Variants in CNTN3 observed in about 807,000 individuals in gnomAD.
CNTN3 encodes contactin 3, also known as contactin-3.
In CNTN3, 60 loss-of-function variants were observed where a neutral mutation model predicts 119.1. The ratio of observed to expected loss-of-function variants is 0.50; its 90% CI spans 0.41 to 0.62. The LOEUF (loss-of-function observed/expected upper bound fraction) is 0.62, where lower values mean the gene tolerates loss of function less well. CNTN3 is among the 20% of genes least tolerant of loss of function. CNTN3 has a pLI of 0.00. For synonymous variants in CNTN3, 450 were observed against 438.7 expected (o/e 1.03, Z -0.32); for missense variants, 1,101 against 1,242.4 (o/e 0.89, Z 1.71).
intron 5 of CNTN3, among the ~76,000 whole-genome samples, chr3:74,379,511 G>A (rs975762674): frequency 5.9e-5 from 9 of 152,142 alleles, no homozygotes; most frequent in East Asian, 3.9e-4. Flanking sequence ...TGTCCTTCAC[G>A]TACCCAACTG....
intron 13 of CNTN3, among the ~76,000 whole-genome samples, chr3:74,323,930 A>T (rs995220979): frequency 1.3e-5 from 2 of 152,134 alleles, no homozygotes; most frequent in African/African-American, 4.8e-5. Context: ...CTGTTAAGAT[A>T]TTTAAAATTT....
At chr3:74,387,375 T>C (rs1328316919) in intron 5 of CNTN3, among the ~76,000 whole-genome samples, 1 of 152,208 alleles carries the variant, frequency 6.6e-6, no homozygotes, top group Non-Finnish European at 1.5e-5. Context: ...TTCAACAGAA[T>C]ATAAGCCAAT....
At chr3:74,514,783 G>A (rs6809509) in intron 2 of CNTN3, among the ~76,000 whole-genome samples, 150,831 of 152,200 alleles carry the variant, frequency 0.99, 74,751 homozygotes, top group Middle Eastern at 1. Flanking sequence ...CATTGTCTCA[G>A]ACTTAGTATT....
intron 13 of CNTN3, among the ~76,000 whole-genome samples, chr3:74,316,461 T>C (rs532167896): frequency 6.6e-6 from 1 of 152,224 alleles, no homozygotes; most frequent in East Asian, 1.9e-4. Context: ...TGAACTCCAT[T>C]TAACCCAGCA....
intron 8 of CNTN3, among the ~76,000 whole-genome samples, chr3:74,368,190 G>C (rs181078971): frequency 2.0e-5 from 3 of 152,036 alleles, no homozygotes; most frequent in Non-Finnish European, 4.4e-5. Flanking sequence ...AGTGTTAATC[G>C]TGCCAGAAGT....
chr3:74,344,261 A>T (rs1703620932), intron 11 of CNTN3, among the ~76,000 whole-genome samples: 1 of 152,148 alleles, frequency 6.6e-6, no homozygotes, highest in African/African-American at 2.4e-5. Flanking sequence ...TCAACAGTGG[A>T]CCAACTAACA....
chr3:74,264,416 T>C lies in CNTN3; in HGVS notation c.3072A>G (p.Val1024=), dbSNP rs757673197. ...SYMPIVLFLI[V]YVLW ...GGAGTTAATATCACCACAGGACATATACAATTAAGAACAGTACTATAGGCA... is the reference window on the plus strand; with the variant it reads ...GGAGTTAATATCACCACAGGACATACACAATTAAGAACAGTACTATAGGCA... Residue 1024 remains valine, a synonymous_variant, in exon 23 of 23, where the codon GTA becomes GTG. Transcript: ENST00000263665. The C allele has an allele frequency of 4.4e-6, 7 of 1,589,296 alleles. No individual in the cohort carries two copies. The highest frequency in any genetic ancestry group is 1.7e-4 in the Middle Eastern group (1 of 6,010).
chr3:74,428,125 C>T (rs570429095), intron 4 of CNTN3, among the ~76,000 whole-genome samples: 1 of 152,184 alleles, frequency 6.6e-6, no homozygotes, highest in African/African-American at 2.4e-5. Flanking sequence ...ACCTACTATG[C>T]TGCCAGTCAT....
At chr3:74,453,373 C>A (rs1183119867) in intron 4 of CNTN3, among the ~76,000 whole-genome samples, 1 of 151,952 alleles carries the variant, frequency 6.6e-6, no homozygotes, top group Non-Finnish European at 1.5e-5. Flanking sequence ...TCCCCTTTAT[C>A]ATTTTTTATT....
At chr3:74,432,406 C>CA (rs899229276) in intron 4 of CNTN3, among the ~76,000 whole-genome samples, 88 of 149,088 alleles carry the variant, frequency 5.9e-4, no homozygotes, top group African/African-American at 2.0e-3. Context: ...AAAAAAATCA[C>CA]AAAAAAATCT....
intron 19 of CNTN3, among the ~76,000 whole-genome samples, chr3:74,285,790 G>GAGAT (rs1702099696): frequency 5.3e-5 from 3 of 56,544 alleles, no homozygotes; most frequent in East Asian, 1.1e-3. Context: ...ATGAAGGGGA[G>GAGAT]ATATATATAT....
intron 19 of CNTN3, among the ~76,000 whole-genome samples, chr3:74,290,375 T>A (rs952177238): frequency 6.6e-6 from 1 of 152,198 alleles, no homozygotes; most frequent in Non-Finnish European, 1.5e-5. Flanking sequence ...GGTATTGTAA[T>A]CTTAGGGGAC....
At chr3:74,392,306 G>A (rs1979588) in intron 5 of CNTN3, among the ~76,000 whole-genome samples, 150,910 of 152,298 alleles carry the variant, frequency 0.99, 74,787 homozygotes, top group East Asian at 1. Context: ...TATTTGGTCT[G>A]CTTACATATC....
chr3:74,277,602 T>C (rs1470965104), intron 20 of CNTN3, among the ~76,000 whole-genome samples: 1 of 152,126 alleles, frequency 6.6e-6, no homozygotes, highest in East Asian at 1.9e-4. Context: ...AAAATCAGCA[T>C]ACAAGGGACA....
chr3:74,432,888 T>G (rs1701807805), intron 4 of CNTN3, among the ~76,000 whole-genome samples: 1 of 152,190 alleles, frequency 6.6e-6, no homozygotes, highest in Non-Finnish European at 1.5e-5. Context: ...CATGGCAAAG[T>G]GTGTCTTAGG....
intron 3 of CNTN3, among the ~76,000 whole-genome samples, chr3:74,487,021 G>A (rs1702872285): frequency 6.6e-6 from 1 of 152,128 alleles, no homozygotes; most frequent in Non-Finnish European, 1.5e-5. Context: ...ACATTTCTTT[G>A]ATTTATCCAG....
In CNTN3 at chr3:74,371,373, C is replaced by T. The variant is rs750186749; in HGVS notation, c.481G>A (p.Glu161Lys). 11 of 1,613,128 alleles carry T rather than the reference C, an allele frequency of 6.8e-6. No individual in the cohort carries two copies. The highest frequency in any genetic ancestry group is 9.3e-6 in the Non-Finnish European group (11 of 1,179,384). The change falls in exon 6 of 23, where the codon GAA becomes AAA. Residue 161 changes from glutamate to lysine, a missense_variant. By Grantham distance (56) the Glu-to-Lys change is moderately conservative (BLOSUM62 1). Coordinates refer to ENST00000263665, the MANE Select transcript of CNTN3 (RefSeq NM_020872.3). ...GELSYAWIFN[E>K]YPSFVEEDSR... Reference sequence around the variant, plus strand: ...TCTTCTTCAACAAACGATGGGTATTCATTGAAGATCCAAGCATATGACAGT... The same window carrying T: ...TCTTCTTCAACAAACGATGGGTATTTATTGAAGATCCAAGCATATGACAGT...
intron 5 of CNTN3, among the ~76,000 whole-genome samples, chr3:74,402,606 T>C (rs961412195): frequency 1.3e-5 from 2 of 152,312 alleles, no homozygotes; most frequent in East Asian, 3.9e-4. Context: ...TTTTTGGCTT[T>C]GAGAATAAGG....
chr3:74,510,585 C>T (rs1050582141), intron 2 of CNTN3, among the ~76,000 whole-genome samples: 1 of 152,006 alleles, frequency 6.6e-6, no homozygotes, highest in African/African-American at 2.4e-5. Flanking sequence ...CTGCCTAAGA[C>T]ATTAAAACAA....
Sources: gnomAD v4.1 joint callset for allele counts (sites outside exome capture counted in the v4.1 genomes callset) on GRCh38, gnomAD v4.1.1 for gene constraint, MANE v1.5 for transcripts, NCBI Gene and HGNC (gene_info 2026-07-23, HGNC 2026-07-21) for gene names.